The following DHX57 variants were observed in gnomAD, a reference collection of about 807,000 sequenced individuals.
DHX57 encodes the protein DExH-box helicase 57.
DHX57 carries 105 observed loss-of-function variants against 156.2 expected under a neutral mutation model. That is an observed-to-expected ratio of 0.67 (90% CI 0.57 to 0.79). DHX57 has a LOEUF of 0.79. Ranked by LOEUF, DHX57 falls within the 30% of genes least tolerant of loss-of-function variation. The pLI is 0.00. For synonymous variants in DHX57, 704 were observed against 595.6 expected (o/e 1.18, Z -2.65); for missense variants, 1,847 against 1,661.9 (o/e 1.11, Z -1.94).
intron 13 of DHX57, 89 bp downstream of exon 13, chr2:38,837,742 T>C: frequency 1.3e-6 from 1 of 783,408 alleles, no homozygotes; most frequent in Admixed American, 2.0e-5. Flanking sequence ...AGAGTCTGCA[T>C]GTAATTCAAG....
intron 23 of DHX57, among the ~76,000 whole-genome samples, chr2:38,798,799 C>T (rs12996194): frequency 0.55 from 83,826 of 151,758 alleles, 24,688 homozygotes; most frequent in East Asian, 0.8. Context: ...CAAAAATTAG[C>T]GAGTTGTGGT....
Position 38,855,158 on chromosome 2 carries a change from G to C in DHX57, c.1804C>G (p.Arg602Gly). 6.2e-7 allele frequency: 1 copy of C among 1,614,074 alleles called. No individual in the cohort carries two copies. Among genetic ancestry groups the C allele is most frequent in the Non-Finnish European group, 8.5e-7 (1 of 1,180,006 alleles). ...KVANIICTQPRRISAISVAER... is the reference protein window; with the variant it reads ...KVANIICTQPGRISAISVAER... ...GCAACAGAGATTGCAGAGATTCGTC[G>C]GGGTTGGGTACAGATGATGTTGGCT... Residue 602 changes from arginine to glycine, a missense_variant, in exon 8 of 24, where the codon CGA (arginine) becomes GGA (glycine). Coordinates refer to ENST00000457308, the MANE Select transcript of DHX57 (RefSeq NM_198963.3).
intron 7 of DHX57, among the ~76,000 whole-genome samples, 183 bp from the exon 8 acceptor site, chr2:38,855,435 C>T (rs977766304): frequency 7.0e-6 from 1 of 142,770 alleles, no homozygotes; most frequent in Non-Finnish European, 1.6e-5. Flanking sequence ...GGAATTTGCA[C>T]TCCAATCAAA....
chr2:38,856,617 C>T, intron 6 of DHX57, 156 bp from the exon 7 acceptor site: 1 of 914,562 alleles, frequency 1.1e-6, no homozygotes, highest in East Asian at 3.1e-5. Flanking sequence ...GATCCTCCCG[C>T]CTCAAGCTCC....
intron 20 of DHX57, 108 bp downstream of exon 20, chr2:38,815,413 C>G: frequency 7.2e-7 from 1 of 1,391,040 alleles, no homozygotes; most frequent in Non-Finnish European, 9.9e-7. Context: ...GCCATTAACC[C>G]ACTGCTCAAA....
At chr2:38,824,271 G>A (rs749117899) in intron 16 of DHX57, among the ~76,000 whole-genome samples, 2 of 152,184 alleles carry the variant, frequency 1.3e-5, no homozygotes, top group Non-Finnish European at 2.9e-5. Flanking sequence ...AAAGACAAAT[G>A]CTGGATGGTT....
chr2:38,815,681 GCAAGGGCAT>G (rs767590166), intron 19 of DHX57, 26 bp from the exon 20 acceptor site: 174 of 1,613,810 alleles, frequency 1.1e-4, no homozygotes, highest in Non-Finnish European at 1.3e-4. Context: ...AAACCTTTAA[GCAAGGGCAT>G]CAGCATAACA....
rs143480468 is a variant in DHX57 at position 38,833,395 on chromosome 2, G to A, written c.2542+4436C>T. On this transcript the variant is annotated intron_variant, in intron 13 of 23. Coordinates refer to ENST00000457308, the MANE Select transcript of DHX57 (RefSeq NM_198963.3). ...TGACCTCAGGTGATCCGCCTGCCTC[G>A]GCCTCCCAAAGTGCTGGGACTACAG... 1.1e-3 allele frequency among the ~76,000 whole-genome samples: 173 copies of A among 152,120 alleles called. 1 individual carries two copies. The highest frequency in any genetic ancestry group is 3.6e-3 in the African/African-American group (151 of 41,504).
chr2:38,846,118 G>A (rs948827618), intron 11 of DHX57, among the ~76,000 whole-genome samples: 17 of 151,992 alleles, frequency 1.1e-4, no homozygotes, highest in Admixed American at 7.9e-4. Flanking sequence ...TGCTCGCCTC[G>A]GCCTCCCAAA....
chr2:38,874,718 G>A (rs979103530), intron 1 of DHX57, among the ~76,000 whole-genome samples: 2 of 152,142 alleles, frequency 1.3e-5, no homozygotes, highest in African/African-American at 4.8e-5. Flanking sequence ...CTGAAATACT[G>A]TATTTTCAAT....
rs956752099 is a variant in DHX57 at position 38,800,490 on chromosome 2, C to T, written c.4018-2048G>A. On this transcript the variant is annotated intron_variant, in intron 23 of 23. Transcript: ENST00000457308. ...AGACATCTTCCCAGCATCTGTTTTG[C>T]CCCTTCCCCACTGTATGGGAAACAT... 3.4e-4 allele frequency among the ~76,000 whole-genome samples: 52 copies of T among 152,152 alleles called. 1 individual carries two copies. The highest frequency in any genetic ancestry group is 1.2e-4 in the Non-Finnish European group (8 of 68,028).
chr2:38,871,282 G>A (rs957452184), intron 1 of DHX57, among the ~76,000 whole-genome samples: 2 of 152,110 alleles, frequency 1.3e-5, no homozygotes, highest in African/African-American at 4.8e-5. Context: ...CTACAAGAAG[G>A]TAATATGTAT....
At chr2:38,842,939 T>C (rs1672086319) in intron 12 of DHX57, 66 bp downstream of exon 12, 2 of 1,537,860 alleles carry the variant, frequency 1.3e-6, no homozygotes, top group African/African-American at 1.4e-5. Flanking sequence ...TTCTTCCGAA[T>C]CTTGGTAAGA....
At chr2:38,811,627 C>G (rs1267432883) in intron 21 of DHX57, 3 of 1,359,538 alleles carry the variant, frequency 2.2e-6, no homozygotes, top group Non-Finnish European at 2.1e-6. Context: ...GCACTGTAGG[C>G]CAGAACCATG....
At chr2:38,836,174 C>A (rs1671645994) in intron 13 of DHX57, among the ~76,000 whole-genome samples, 1 of 152,114 alleles carries the variant, frequency 6.6e-6, no homozygotes, top group African/African-American at 2.4e-5. Flanking sequence ...AGGATTGGTA[C>A]TATATAGAAA....
intron 11 of DHX57, 129 bp downstream of exon 11, chr2:38,846,890 T>A (rs963398167): frequency 3.5e-6 from 2 of 571,662 alleles, no homozygotes; most frequent in African/African-American, 3.9e-5. Context: ...GGTCCCAATA[T>A]GTTGCCCAAG....
At chr2:38,810,307 C>T (rs528514000) in intron 21 of DHX57, 93 of 288,102 alleles carry the variant, frequency 3.2e-4, no homozygotes, top group African/African-American at 1.7e-3. Flanking sequence ...AAAGCTGGGG[C>T]CCGGCAGCCC....
At position 38,865,808 on chromosome 2, in the gene DHX57, T is replaced by G. The variant is rs569066949; in HGVS notation, c.225-2289A>C. On this transcript the variant is annotated intron_variant, in intron 2 of 23. Coordinates refer to ENST00000457308, the MANE Select transcript of DHX57 (RefSeq NM_198963.3). ...ATTTACATCTCCAGCCTAGATCTTT[T>G]TCTTGAACCTCAGATTTATATATTA... 1.1e-4 allele frequency among the ~76,000 whole-genome samples: 16 copies of G among 152,352 alleles called. No homozygotes were observed. In the East Asian group the frequency reaches 2.1e-3, roughly 20 times the overall value.
intron 14 of DHX57, 72 bp downstream of exon 14, chr2:38,828,268 C>A: frequency 8.3e-7 from 1 of 1,211,908 alleles, no homozygotes; most frequent in South Asian, 1.4e-5. Context: ...CTTCCAGGGT[C>A]TAAAGAGGGT....
Sources: allele counts gnomAD v4.1 joint callset (sites outside exome capture counted in the v4.1 genomes callset), GRCh38; gene constraint gnomAD v4.1.1; transcripts MANE v1.5; gene names NCBI Gene and HGNC (gene_info 2026-07-23, HGNC 2026-07-21).